The following USP39 variants were observed in gnomAD, a reference collection of about 807,000 sequenced individuals.
The protein encoded by USP39 is ubiquitin carboxyl-terminal hydrolase 39.
USP39 carries 38 observed loss-of-function variants against 66.4 expected under a neutral mutation model. That is an observed-to-expected ratio of 0.57 (90% CI 0.44 to 0.75). The LOEUF (loss-of-function observed/expected upper bound fraction) is 0.75. USP39 is among the 30% of genes least tolerant of loss of function. The pLI is 0.00. For missense variants in USP39, 608 were observed against 714.4 expected, an observed-to-expected ratio of 0.85 and a Z score of 1.70; for synonymous variants, 303 against 274.6, an observed-to-expected ratio of 1.10 and a Z score of -1.02.
chr2:85,637,333 C>T (rs1675852500), intron 7 of USP39, 36 bp from the exon 8 acceptor site: 2 of 1,610,058 alleles, frequency 1.2e-6, no homozygotes, highest in African/African-American at 2.7e-5. Context: ...GTTTTCCATC[C>T]TCACGGAATT....
intron 1 of USP39, chr2:85,606,667 A>C (rs1487498697): frequency 6.6e-6 from 1 of 152,256 alleles, no homozygotes; most frequent in Admixed American, 6.5e-5. Context: ...CTCAAGAAAA[A>C]AAGTTTAATA....
chr2:85,625,329 G>T (rs1271984468), intron 4 of USP39, among the ~76,000 whole-genome samples: 1 of 152,172 alleles, frequency 6.6e-6, no homozygotes, highest in Non-Finnish European at 1.5e-5. Context: ...GTGATTTTGG[G>T]ATAGACACAG....
chr2:85,635,163 G>T (rs1675660827), intron 6 of USP39, among the ~76,000 whole-genome samples: 1 of 152,198 alleles, frequency 6.6e-6, no homozygotes, highest in African/African-American at 2.4e-5. Context: ...AGGCCTCTGG[G>T]TTTAGGGAAA....
upstream of USP39, chr2:85,610,750 C>T (rs920633871): frequency 1.4e-5 from 2 of 147,468 alleles, no homozygotes; most frequent in African/African-American, 5.2e-5. Flanking sequence ...GAAACCCCTT[C>T]TCTCTCTCTC....
intron 10 of USP39, among the ~76,000 whole-genome samples, chr2:85,643,645 CT>C (rs1573449374): frequency 7.8e-6 from 1 of 128,678 alleles, no homozygotes; most frequent in East Asian, 2.3e-4. Context: ...GGACTCATAT[CT>C]CCTTTTTTTT....
At chr2:85,638,081 G>A (rs891113772) in intron 8 of USP39, among the ~76,000 whole-genome samples, 8 of 151,868 alleles carry the variant, frequency 5.3e-5, no homozygotes, top group African/African-American at 1.9e-4. Context: ...GAGTGCAATG[G>A]CATGATCTCA....
chr2:85,625,907 A>G (rs1041292697), intron 5 of USP39, among the ~76,000 whole-genome samples: 1 of 151,896 alleles, frequency 6.6e-6, no homozygotes, highest in African/African-American at 2.4e-5. Context: ...AGTCCCAGCT[A>G]TTTGGCAGGC....
chr2:85,640,816 A>G (rs950322743), intron 9 of USP39, among the ~76,000 whole-genome samples, 160 bp from the exon 10 acceptor site: 3 of 142,870 alleles, frequency 2.1e-5, no homozygotes, highest in African/African-American at 5.2e-5. Flanking sequence ...GCCAAACTGC[A>G]CATCCTAAGC....
Position 85,625,542 on chromosome 2 carries a change from G to A in USP39, c.574G>A (p.Val192Met). The A allele has an allele frequency of 6.2e-7, 1 of 1,613,778 alleles. No homozygotes were observed. Among genetic ancestry groups the A allele is most frequent in the Non-Finnish European group, 8.5e-7 (1 of 1,179,768 alleles). The change falls in exon 5 of 13, where the codon GTG becomes ATG. Residue 192 changes from valine (V) to methionine (M), a missense_variant. By Grantham distance (21) the Val-to-Met change is conservative. Coordinates refer to ENST00000323701, the MANE Select transcript of USP39 (RefSeq NM_006590.4). ...AGCATTTTCTTTTGCTTTGCAGTAT[G>A]TGTTGAAGCCCACTTTCACAAAGCA... Reference protein sequence around the residue: ...IDSSLEDITYVLKPTFTKQQI... With the variant: ...IDSSLEDITYMLKPTFTKQQI...
intron 9 of USP39, 143 bp from the exon 10 acceptor site, chr2:85,640,833 C>A: frequency 2.2e-5 from 8 of 366,876 alleles, no homozygotes; most frequent in Non-Finnish European, 3.9e-5. Context: ...AAGCCTCATA[C>A]ATAATTTCTC....
intron 3 of USP39, among the ~76,000 whole-genome samples, chr2:85,621,882 C>T (rs921048492): frequency 2.7e-5 from 3 of 112,474 alleles, no homozygotes; most frequent in Non-Finnish European, 5.5e-5. Context: ...ACAGTGTTGC[C>T]CAGGTTGGCT....
At chr2:85,645,484 A>C (rs1676576504) in intron 11 of USP39, among the ~76,000 whole-genome samples, 1 of 151,872 alleles carries the variant, frequency 6.6e-6, no homozygotes, top group Non-Finnish European at 1.5e-5. Flanking sequence ...GGGTTTTACG[A>C]TCTTGGCCAG....
chr2:85,640,724 C>T (rs189494494), intron 9 of USP39, among the ~76,000 whole-genome samples: 2 of 149,164 alleles, frequency 1.3e-5, no homozygotes, highest in Non-Finnish European at 3.0e-5. Context: ...CCCCCTGCCT[C>T]GGCCTCCTAC....
rs1222248870 is a variant in USP39 at position 85,645,095 on chromosome 2, C to G, written c.1563+12C>G. The G allele has an allele frequency of 1.9e-6, 3 of 1,614,018 alleles. No individual in the cohort carries two copies. Among genetic ancestry groups the G allele is most frequent in the Non-Finnish European group, 2.5e-6 (3 of 1,179,964 alleles). On this transcript the variant is annotated intron_variant, in intron 11 of 12. Transcript: ENST00000323701. Reference sequence around the variant, plus strand: ...ACGTGCTTCATCATGTGAGTGGCTGCTGACCGTCTCATGGCACAGAGTGGC... The same window carrying G: ...ACGTGCTTCATCATGTGAGTGGCTGGTGACCGTCTCATGGCACAGAGTGGC...
intron 3 of USP39, among the ~76,000 whole-genome samples, 181 bp downstream of exon 3, chr2:85,621,760 G>A (rs956209305): frequency 6.6e-6 from 1 of 152,100 alleles, no homozygotes. Flanking sequence ...GGATATGTCT[G>A]TAAGGGAGAA....
chr2:85,629,496 T>C (rs897860874), intron 5 of USP39, among the ~76,000 whole-genome samples: 2 of 150,948 alleles, frequency 1.3e-5, no homozygotes, highest in African/African-American at 4.9e-5. Flanking sequence ...ATTTTCTCTT[T>C]CTCTTTTTTT....
chr2:85,623,060 A>C (rs1194218292), intron 3 of USP39, among the ~76,000 whole-genome samples: 1 of 152,168 alleles, frequency 6.6e-6, no homozygotes, highest in East Asian at 1.9e-4. Context: ...TGGAGTGTTT[A>C]TGTTGAGTTC....
intron 3 of USP39, among the ~76,000 whole-genome samples, chr2:85,622,618 ATTT>A (rs56707752): frequency 9.6e-5 from 13 of 135,308 alleles, no homozygotes; most frequent in African/African-American, 2.4e-4. Context: ...CCAGGCTACA[ATTT>A]TTTTTTTTTT....
At chr2:85,612,199 C>A (rs1376135811), upstream of USP39, 5 of 1,084,922 alleles carry the variant, frequency 4.6e-6, no homozygotes, top group South Asian at 7.7e-5. Context: ...ACCCCCCGGA[C>A]GGAGGGCTTT....
Sources: gnomAD v4.1 joint callset for allele counts (sites outside exome capture counted in the v4.1 genomes callset) on GRCh38, gnomAD v4.1.1 for gene constraint, MANE v1.5 for transcripts, NCBI Gene and HGNC (gene_info 2026-07-23, HGNC 2026-07-21) for gene names.